Variants in MLIP observed in about 807,000 individuals in gnomAD.
MLIP encodes muscular LMNA interacting protein, also known as muscular LMNA-interacting protein.
A neutral mutation model predicts 84.8 loss-of-function variants in MLIP; 79 were observed. The ratio of observed to expected loss-of-function variants is 0.93; its 90% CI spans 0.78 to 1.12. The LOEUF (loss-of-function observed/expected upper bound fraction) is 1.12. MLIP is among the 50% of genes most tolerant of loss of function. The pLI, the probability that MLIP is intolerant of heterozygous loss-of-function variation, is 0.00. For synonymous variants in MLIP, 504 were observed against 463.0 expected, an observed-to-expected ratio of 1.09 and a Z score of -1.14; for missense variants, 1,257 against 1,160.6, an observed-to-expected ratio of 1.08 and a Z score of -1.21.
chr6:54,101,754 G>T (rs1373248320), intron 1 of MLIP, among the ~76,000 whole-genome samples: 4 of 152,088 alleles, frequency 2.6e-5, no homozygotes, highest in Non-Finnish European at 5.9e-5. Context: ...ATATTGAAAA[G>T]TATGTAGCTT....
chr6:54,177,743 G>A (rs1464213436), intron 9 of MLIP, among the ~76,000 whole-genome samples: 2 of 152,156 alleles, frequency 1.3e-5, no homozygotes, highest in East Asian at 3.9e-4. Flanking sequence ...ACATATGCAA[G>A]TGTATGTTAA....
intron 5 of MLIP, among the ~76,000 whole-genome samples, chr6:54,149,482 G>T (rs1773210180): frequency 6.6e-6 from 1 of 152,124 alleles, no homozygotes. Context: ...TTGATCAAAA[G>T]AATTGAGGTG....
chr6:54,229,719 C>T (rs1780846117), intron 11 of MLIP, among the ~76,000 whole-genome samples: 1 of 152,180 alleles, frequency 6.6e-6, no homozygotes, highest in Admixed American at 6.5e-5. Flanking sequence ...TTTATGGCCA[C>T]ATAGTATTCC....
chr6:54,058,125 T>C (rs1290794177), intron 1 of MLIP: 1 of 129,100 alleles, frequency 7.7e-6, no homozygotes, highest in African/African-American at 3.0e-5. Flanking sequence ...TATGTGTGTG[T>C]ATGTGTATAT....
At chr6:54,040,583 A>T (rs1175280182) in intron 1 of MLIP, among the ~76,000 whole-genome samples, 1 of 152,098 alleles carries the variant, frequency 6.6e-6, no homozygotes, top group Non-Finnish European at 1.5e-5. Context: ...AAAGGAAAAT[A>T]GATTGCTCTA....
Position 54,124,921 on chromosome 6 carries a change from T to G in MLIP, c.645+56T>G, listed in dbSNP as rs1770795575. On this transcript the variant is annotated intron_variant, in intron 3 of 13. Coordinates refer to ENST00000502396, the MANE Select transcript of MLIP (RefSeq NM_001281747.2). The stretch of plus-strand genomic sequence containing the variant: ...AAAAAAAAAGCGTTTATGCACCCTT[T>G]GTCTTGGGCGGTCTGCAAAGGCCAT... 3.4e-6 allele frequency: 5 copies of G among 1,483,304 alleles called. No individual in the cohort carries two copies. In the East Asian group the frequency reaches 1.1e-4, roughly 34 times the overall value. 91.9% of individuals were successfully genotyped at this position (1,483,304 alleles called of 1,614,324 possible). A position where few individuals can be genotyped will look rare whatever the true frequency, so the allele number is the denominator to read the frequency against.
intron 1 of MLIP, 88 bp downstream of exon 1, chr6:54,111,663 G>C: frequency 7.7e-7 from 1 of 1,298,178 alleles, no homozygotes; most frequent in Non-Finnish European, 1.1e-6. Context: ...ATGTGAGGGA[G>C]AGCTGCCCAG....
chr6:54,086,393 T>A (rs1767492607), intron 1 of MLIP, among the ~76,000 whole-genome samples: 2 of 152,190 alleles, frequency 1.3e-5, no homozygotes. Flanking sequence ...TATGTGTGTA[T>A]GTTTAATTTT....
At chr6:54,193,324 G>A (rs1283102751) in intron 10 of MLIP, among the ~76,000 whole-genome samples, 1 of 152,162 alleles carries the variant, frequency 6.6e-6, no homozygotes, top group Non-Finnish European at 1.5e-5. Context: ...ATTATTGTGA[G>A]GCTCACATAT....
At chr6:54,079,283 A>G (rs1766992302) in intron 1 of MLIP, among the ~76,000 whole-genome samples, 1 of 152,188 alleles carries the variant, frequency 6.6e-6, no homozygotes, top group Non-Finnish European at 1.5e-5. Context: ...ATCTACTCCT[A>G]TGCCATGTTA....
chr6:54,042,079 A>T (rs1764776245), intron 1 of MLIP, among the ~76,000 whole-genome samples: 1 of 152,082 alleles, frequency 6.6e-6, no homozygotes, highest in African/African-American at 2.4e-5. Flanking sequence ...TAACAATATC[A>T]GGTTCTTCTA....
intron 8 of MLIP, among the ~76,000 whole-genome samples, chr6:54,166,121 T>A (rs970081419): frequency 6.6e-6 from 1 of 151,932 alleles, no homozygotes; most frequent in Non-Finnish European, 1.5e-5. Context: ...GACCATTTGC[T>A]AAGAAGCTGG....
At chr6:54,174,757 T>C (rs954553321) in intron 9 of MLIP, among the ~76,000 whole-genome samples, 3 of 151,996 alleles carry the variant, frequency 2.0e-5, no homozygotes, top group Non-Finnish European at 2.9e-5. Flanking sequence ...CATGATGTGA[T>C]CCCATTTGTC....
At chr6:54,147,728 T>C (rs912845617) in intron 4 of MLIP, among the ~76,000 whole-genome samples, 1 of 152,170 alleles carries the variant, frequency 6.6e-6, no homozygotes, top group Non-Finnish European at 1.5e-5. Context: ...TGAGTACATA[T>C]GTATATATGT....
At chr6:54,239,048 G>A (rs1390839869) in intron 12 of MLIP, among the ~76,000 whole-genome samples, 5 of 151,998 alleles carry the variant, frequency 3.3e-5, no homozygotes, top group African/African-American at 1.2e-4. Flanking sequence ...AAGTTTTTAT[G>A]CAAGGGCTAG....
At chr6:54,150,966 A>G (rs1390000694) in intron 5 of MLIP, among the ~76,000 whole-genome samples, 6 of 152,218 alleles carry the variant, frequency 3.9e-5, no homozygotes, top group African/African-American at 1.2e-4. Flanking sequence ...AATTTTAAAT[A>G]AAACATTCTG....
intron 1 of MLIP, chr6:54,045,346 CA>C (rs5876350): frequency 0.98 from 138,658 of 142,106 alleles, 67,640 homozygotes; most frequent in South Asian, 0.99. Flanking sequence ...GACTCCTTTT[CA>C]AAAAAAAAAA....
intron 12 of MLIP, among the ~76,000 whole-genome samples, chr6:54,249,732 C>CATATAT (rs761644366): frequency 9.2e-4 from 129 of 139,758 alleles, no homozygotes; most frequent in African/African-American, 1.6e-3. Flanking sequence ...CACACACACA[C>CATATAT]ACATATATAT....
At chr6:54,076,742 C>G (rs1306389405) in intron 1 of MLIP, among the ~76,000 whole-genome samples, 1 of 152,172 alleles carries the variant, frequency 6.6e-6, no homozygotes, top group Non-Finnish European at 1.5e-5. Flanking sequence ...CAAAAATATT[C>G]ATCTCCTGTA....
Sources: allele counts gnomAD v4.1 joint callset (sites outside exome capture counted in the v4.1 genomes callset), GRCh38; gene constraint gnomAD v4.1.1; transcripts MANE v1.5; gene names NCBI Gene and HGNC (gene_info 2026-07-23, HGNC 2026-07-21).